The following ALK variants were observed in gnomAD, a reference collection of about 807,000 sequenced individuals.
The protein encoded by ALK is ALK receptor tyrosine kinase, also known as ALK tyrosine kinase receptor.
ALK carries 74 observed loss-of-function variants against 163.1 expected under a neutral mutation model. That is an observed-to-expected ratio of 0.45 (90% confidence interval 0.38 to 0.55). The LOEUF is 0.55. Among genes scored for constraint, ALK ranks in the 20% least tolerant of loss-of-function variants. ALK has a pLI of 0.00. For missense variants in ALK, 2,063 were observed against 2,105.3 expected, an observed-to-expected ratio of 0.98 and a Z score of 0.39; for synonymous variants, 960 against 843.2, an observed-to-expected ratio of 1.14 and a Z score of -2.40.
chr2:29,530,735 C>G (rs1673098967), intron 4 of ALK, among the ~76,000 whole-genome samples: 1 of 152,154 alleles, frequency 6.6e-6, no homozygotes, highest in Non-Finnish European at 1.5e-5. Context: ...AAGGGGCAGC[C>G]CAGACACCTG....
chr2:29,603,037 G>C (rs947841310), intron 3 of ALK, among the ~76,000 whole-genome samples: 3 of 152,204 alleles, frequency 2.0e-5, no homozygotes, highest in Admixed American at 2.0e-4. Context: ...TAGATTCAAA[G>C]ATTTTCTGAT....
chr2:29,462,611 T>G (rs1235071294), intron 4 of ALK, among the ~76,000 whole-genome samples: 1 of 152,226 alleles, frequency 6.6e-6, no homozygotes, highest in Non-Finnish European at 1.5e-5. Context: ...TATTGCACAC[T>G]TAGTAAACAA....
intron 3 of ALK, among the ~76,000 whole-genome samples, chr2:29,614,019 T>C (rs10172976): frequency 0.79 from 120,464 of 152,044 alleles, 48,043 homozygotes; most frequent in African/African-American, 0.88. Context: ...ACTGATCCTG[T>C]CCAGACAGCC....
intron 4 of ALK, among the ~76,000 whole-genome samples, chr2:29,516,936 T>G (rs914234100): frequency 6.6e-6 from 1 of 152,238 alleles, no homozygotes; most frequent in African/African-American, 2.4e-5. Context: ...TGGCACAAAA[T>G]ACATCAGATA....
intron 3 of ALK, among the ~76,000 whole-genome samples, chr2:29,568,756 T>G (rs1045637548): frequency 6.6e-6 from 1 of 152,182 alleles, no homozygotes; most frequent in African/African-American, 2.4e-5. Flanking sequence ...AGAGAAGCTC[T>G]TCTCCCCTTT....
intron 3 of ALK, among the ~76,000 whole-genome samples, chr2:29,647,753 T>C (rs1210126281): frequency 1.3e-5 from 2 of 148,952 alleles, no homozygotes; most frequent in African/African-American, 5.0e-5. Flanking sequence ...TAGTAATCCA[T>C]GCACCACGTT....
chr2:29,706,191 T>C (rs1169028976), intron 2 of ALK, among the ~76,000 whole-genome samples: 2 of 152,208 alleles, frequency 1.3e-5, no homozygotes, highest in Non-Finnish European at 2.9e-5. Context: ...CTAAGAATAA[T>C]TGCCCCTTTG....
chr2:29,300,097 C>A (rs1382783091), intron 8 of ALK, among the ~76,000 whole-genome samples: 7 of 152,148 alleles, frequency 4.6e-5, no homozygotes, highest in Non-Finnish European at 4.4e-5. Flanking sequence ...ATGAGTGTTG[C>A]ATATGGGTGG....
At chr2:29,311,596 G>C (rs934099408) in intron 8 of ALK, among the ~76,000 whole-genome samples, 1 of 152,158 alleles carries the variant, frequency 6.6e-6, no homozygotes, top group Non-Finnish European at 1.5e-5. Context: ...GCTCTGGGCC[G>C]TGTCACCAGA....
chr2:29,610,033 C>A (rs1352039395), intron 3 of ALK, among the ~76,000 whole-genome samples: 1 of 152,200 alleles, frequency 6.6e-6, no homozygotes, highest in Admixed American at 6.5e-5. Context: ...TCCTTGACAC[C>A]TATTTTGAGT....
chr2:29,601,075 G>A (rs1675367571), intron 3 of ALK, among the ~76,000 whole-genome samples: 1 of 152,212 alleles, frequency 6.6e-6, no homozygotes, highest in Non-Finnish European at 1.5e-5. Flanking sequence ...TTTTCACACA[G>A]CTCTGCCTAC....
rs180816998 is a variant in ALK at position 29,697,792 on chromosome 2, G to A, written c.788-2778C>T. Among the ~76,000 whole-genome samples the A allele has an allele frequency of 3.3e-5, 5 of 152,266 alleles. No individual in the cohort carries two copies. The East Asian group carries it at 9.7e-4, about 29-fold the overall frequency. ...GTGCATTTTAACAGCTGCTTCTGAG[G>A]CTACTACTACCCCAATCTCCAAGAC... On this transcript the variant is annotated intron_variant, in intron 2 of 28. Coordinates refer to ENST00000389048, the MANE Select transcript of ALK (RefSeq NM_004304.5).
At position 29,275,207 on chromosome 2, in the gene ALK, G is replaced by C. The variant is rs770797778; in HGVS notation, c.1933C>G (p.Leu645Val). ...YLTISGEDKI[L>V]QNTAPKSRNL... is the part of the protein sequence containing the mutation. The stretch of plus-strand genomic sequence containing the variant: ...CTTGATTTGGGTGCTGTATTCTGCA[G>C]GATCTTGTCCTCTCCGCTAACTGCA... The change falls in exon 11 of 29, where the codon CTG becomes GTG. Residue 645 changes from leucine (L) to valine (V), a missense_variant. Transcript: ENST00000389048. The C allele has an allele frequency of 3.7e-6, 6 of 1,614,136 alleles. No homozygotes were observed. Among genetic ancestry groups the C allele is most frequent in the Non-Finnish European group, 5.1e-6 (6 of 1,180,032 alleles).
At chr2:29,853,111 C>T (rs1390752004) in intron 1 of ALK, among the ~76,000 whole-genome samples, 2 of 152,170 alleles carry the variant, frequency 1.3e-5, no homozygotes, top group African/African-American at 4.8e-5. Flanking sequence ...CATAAACTAG[C>T]AGTTGCTGTT....
intron 1 of ALK, among the ~76,000 whole-genome samples, chr2:29,795,782 A>G (rs1040743091): frequency 5.9e-5 from 9 of 152,334 alleles, no homozygotes; most frequent in African/African-American, 1.9e-4. Flanking sequence ...AACAGTAGTT[A>G]TCTTTGGTGG....
chr2:29,901,014 C>CAAG (rs1216590518), intron 1 of ALK, among the ~76,000 whole-genome samples: 1 of 149,270 alleles, frequency 6.7e-6, no homozygotes, highest in Non-Finnish European at 1.5e-5. Flanking sequence ...AGCAAGCAAG[C>CAAG]AAGCAAGCAA....
chr2:29,649,217 TGA>T (rs141534978), intron 3 of ALK, among the ~76,000 whole-genome samples: 2,651 of 146,792 alleles, frequency 0.018, 49 homozygotes, highest in African/African-American at 0.044. Context: ...TGTGTGTATG[TGA>T]GAGAGAGAGA....
chr2:29,198,961 C>CT (rs145929777), intron 26 of ALK, among the ~76,000 whole-genome samples: 41,433 of 144,750 alleles, frequency 0.29, 6,729 homozygotes, highest in East Asian at 0.71. Context: ...TAGTTGTTTT[C>CT]TTTTTTTTTT....
At chr2:29,312,163 G>C (rs528163367) in intron 8 of ALK, among the ~76,000 whole-genome samples, 6 of 152,206 alleles carry the variant, frequency 3.9e-5, no homozygotes, top group Non-Finnish European at 7.4e-5. Context: ...GAGAAGGCAG[G>C]CTCCAGCCTT....
Sources: allele counts gnomAD v4.1 joint callset (sites outside exome capture counted in the v4.1 genomes callset), GRCh38; gene constraint gnomAD v4.1.1; transcripts MANE v1.5; gene names NCBI Gene and HGNC (gene_info 2026-07-23, HGNC 2026-07-21).